SNAP23: variants seen among roughly 807,000 people sequenced by gnomAD.
The protein encoded by SNAP23 is synaptosomal-associated protein 23.
SNAP23 carries 11 observed loss-of-function variants against 29.0 expected under a neutral mutation model. That is an observed-to-expected ratio of 0.38 (90% confidence interval 0.24 to 0.63). The LOEUF (loss-of-function observed/expected upper bound fraction) is 0.63. Ranked by LOEUF, SNAP23 falls within the 20% of genes least tolerant of loss-of-function variation. The probability of loss-of-function intolerance (pLI) is 0.58; values close to 1 mark genes in which losing one functional copy is unlikely to be tolerated. For synonymous variants in SNAP23, 60 were observed against 82.9 expected (o/e 0.72, Z 1.50); for missense variants, 220 against 253.9 (o/e 0.87, Z 0.91).
chr15:42,505,116 T>A (rs1595517319), intron 1 of SNAP23: 1 of 152,322 alleles, frequency 6.6e-6, no homozygotes, highest in Non-Finnish European at 1.5e-5. Flanking sequence ...TTTCTTTTTT[T>A]TTCAGACAGT....
At chr15:42,529,320 T>C (rs1041770167) in intron 6 of SNAP23, among the ~76,000 whole-genome samples, 8 of 152,232 alleles carry the variant, frequency 5.3e-5, no homozygotes, top group African/African-American at 1.7e-4. Flanking sequence ...GAGGGGCTTA[T>C]TAAACCGTAG....
intron 2 of SNAP23, among the ~76,000 whole-genome samples, chr15:42,512,560 G>A (rs1403001992): frequency 6.6e-6 from 1 of 151,878 alleles, no homozygotes. Context: ...TGTATTTTTA[G>A]TAGAGATGGG....
At chr15:42,501,498 C>G (rs1357301352) in intron 1 of SNAP23, among the ~76,000 whole-genome samples, 1 of 152,148 alleles carries the variant, frequency 6.6e-6, no homozygotes, top group African/African-American at 2.4e-5. Flanking sequence ...CTGCTGAGCT[C>G]AAGTGATCCC....
chr15:42,491,158 C>CA (rs996094240), upstream of SNAP23: 2 of 152,214 alleles, frequency 1.3e-5, no homozygotes, highest in African/African-American at 2.4e-5. Context: ...GTCACGCTCG[C>CA]TTTTTTTTCC....
chr15:42,513,615 T>C (rs1306842257), intron 4 of SNAP23, among the ~76,000 whole-genome samples, 168 bp downstream of exon 4: 1 of 152,236 alleles, frequency 6.6e-6, no homozygotes, highest in South Asian at 2.1e-4. Flanking sequence ...ATGTTCACTG[T>C]CTATTTGGGA....
intron 1 of SNAP23, among the ~76,000 whole-genome samples, chr15:42,508,847 G>C (rs749530030): frequency 6.6e-6 from 1 of 152,152 alleles, no homozygotes; most frequent in African/African-American, 2.4e-5. Flanking sequence ...ACCCCAGAAT[G>C]TCTCCCGACC....
At chr15:42,500,142 CT>C (rs35112680) in intron 1 of SNAP23, among the ~76,000 whole-genome samples, 127,571 of 145,736 alleles carry the variant, frequency 0.88, 57,152 homozygotes, top group Non-Finnish European at 0.98. Context: ...TATCAGCTGC[CT>C]TTTTTTTTCC....
At chr15:42,504,346 A>C (rs528048633) in intron 1 of SNAP23, among the ~76,000 whole-genome samples, 1 of 152,226 alleles carries the variant, frequency 6.6e-6, no homozygotes, top group East Asian at 1.9e-4. Flanking sequence ...GTCTCAAATA[A>C]AATAAAGTAA....
chr15:42,527,814 C>G (rs185390542), intron 5 of SNAP23: 20 of 156,732 alleles, frequency 1.3e-4, no homozygotes, highest in Admixed American at 4.9e-4. Flanking sequence ...CATCCCTTGT[C>G]AACCTCTGAG....
At chr15:42,511,927 T>C in intron 2 of SNAP23, 24 bp downstream of exon 2, 1 of 1,497,444 alleles carries the variant, frequency 6.7e-7, no homozygotes, top group Non-Finnish European at 9.2e-7. Flanking sequence ...CTAAAATAAG[T>C]AAATAATTCT....
chr15:42,519,212 G>A (rs1316842348), intron 5 of SNAP23, among the ~76,000 whole-genome samples: 6 of 151,596 alleles, frequency 4.0e-5, no homozygotes, highest in Non-Finnish European at 4.4e-5. Flanking sequence ...CTGCCACCAC[G>A]CCCAGCTAAT....
In SNAP23 at chr15:42,528,384, C is replaced by T. The variant is rs1202553263; in HGVS notation, c.389C>T (p.Pro130Leu). Residue 130 changes from proline to leucine, a missense_variant, in exon 6 of 8, where the codon CCA (proline) becomes CTA (leucine). Transcript: ENST00000249647. ...GTGACAAATGGTCAGCTTCAGCAAC[C>T]AACAACGGGAGCAGCCAGTGGTGGA... ...GPVTNGQLQQ[P>L]TTGAASGGYI... is the part of the protein sequence containing the mutation. 6.2e-7 allele frequency: 1 copy of T among 1,614,156 alleles called. No homozygotes were observed. The highest frequency in any genetic ancestry group is 8.5e-7 in the Non-Finnish European group (1 of 1,180,018).
At chr15:42,501,025 A>G (rs1359944622) in intron 1 of SNAP23, among the ~76,000 whole-genome samples, 2 of 152,198 alleles carry the variant, frequency 1.3e-5, no homozygotes, top group Non-Finnish European at 2.9e-5. Flanking sequence ...AATTGAAATT[A>G]CTTTCGATGG....
At chr15:42,528,746 CA>C (rs2057532112) in intron 6 of SNAP23, among the ~76,000 whole-genome samples, 2 of 152,036 alleles carry the variant, frequency 1.3e-5, no homozygotes, top group African/African-American at 4.8e-5. Context: ...CCACCACGCC[CA>C]GCTAATTTTT....
rs559245218 is a variant in SNAP23, at chr15:42,496,128, C to T, written c.-15+415C>T. Among the ~76,000 whole-genome samples, 134 of 152,262 alleles carry T rather than the reference C, an allele frequency of 8.8e-4. 1 individual carries two copies. Among genetic ancestry groups the T allele is most frequent in the African/African-American group, 3.1e-3 (129 of 41,546 alleles). On this transcript the variant is annotated intron_variant, in intron 1 of 7. Coordinates refer to ENST00000249647, the MANE Select transcript of SNAP23 (RefSeq NM_003825.4). Reference sequence around the variant, plus strand: ...CCCTTGCTCTCTAGAAAGGTTCAGCCTTACCTCGCGGCATTACTGCACAAA... The same window carrying T: ...CCCTTGCTCTCTAGAAAGGTTCAGCTTTACCTCGCGGCATTACTGCACAAA...
chr15:42,515,294 CAG>C lies in SNAP23; in HGVS notation c.210_211del (p.Lys71AspfsTer17), dbSNP rs1482780282. On this transcript the variant is annotated frameshift_variant, in exon 5 of 8. Transcript: ENST00000249647. LOFTEE classifies it high-confidence loss of function. ...CAAATAAATAAGGACATGAGAGAGA[CAG>C]AGAAGACTTTAACAGAACTCAACAA... 1 of 1,612,648 alleles carries C rather than the reference CAG, an allele frequency of 6.2e-7. No homozygotes were observed. The highest frequency in any genetic ancestry group is 8.5e-7 in the Non-Finnish European group (1 of 1,179,426).
At chr15:42,513,895 C>T (rs1361256868) in intron 4 of SNAP23, among the ~76,000 whole-genome samples, 3 of 152,070 alleles carry the variant, frequency 2.0e-5, no homozygotes, top group African/African-American at 7.2e-5. Flanking sequence ...CTCACTGCAA[C>T]CTCCTCCTCC....
At chr15:42,521,568 C>T in intron 5 of SNAP23, 2 of 1,523,086 alleles carry the variant, frequency 1.3e-6, no homozygotes, top group Non-Finnish European at 1.8e-6. Context: ...GCATTTCATT[C>T]TCTCACCTAA....
intron 5 of SNAP23, 138 bp downstream of exon 5, chr15:42,515,492 G>A: frequency 3.3e-6 from 2 of 597,302 alleles, no homozygotes; most frequent in Non-Finnish European, 5.9e-6. Context: ...CCTTCAGGCA[G>A]ATTAAGCTTT....
Sources: gnomAD v4.1 joint callset for allele counts (sites outside exome capture counted in the v4.1 genomes callset) on GRCh38, gnomAD v4.1.1 for gene constraint, MANE v1.5 for transcripts, NCBI Gene and HGNC (gene_info 2026-07-23, HGNC 2026-07-21) for gene names.